GABRG3: variants seen among roughly 807,000 people sequenced by gnomAD.
GABRG3 encodes the protein gamma-aminobutyric acid receptor subunit gamma-3.
In GABRG3, 25 loss-of-function variants were observed where a neutral mutation model predicts 48.8. That is an observed-to-expected ratio of 0.51 (90% CI 0.37 to 0.72). The LOEUF (loss-of-function observed/expected upper bound fraction) is 0.72. GABRG3 is among the 30% of genes least tolerant of loss of function. The pLI is 0.00. For missense variants in GABRG3, 394 were observed against 577.9 expected (o/e 0.68, Z 3.26); for synonymous variants, 227 against 217.6 (o/e 1.04, Z -0.38).
chr15:27,409,976 T>C (rs1887747857), intron 5 of GABRG3, among the ~76,000 whole-genome samples: 1 of 152,216 alleles, frequency 6.6e-6, no homozygotes, highest in Admixed American at 6.5e-5. Context: ...GCTAGAGTGG[T>C]AAGAATGGAC....
intron 3 of GABRG3, among the ~76,000 whole-genome samples, chr15:27,124,697 G>A (rs552303661): frequency 2.4e-4 from 36 of 152,286 alleles, no homozygotes; most frequent in Non-Finnish European, 4.9e-4. Context: ...GTAGGGGGAA[G>A]GCCCAGTAGA....
At chr15:27,446,620 T>C (rs1160797488) in intron 5 of GABRG3, among the ~76,000 whole-genome samples, 3 of 152,234 alleles carry the variant, frequency 2.0e-5, no homozygotes, top group Non-Finnish European at 4.4e-5. Context: ...ATTAATCTTA[T>C]GTATTTTATT....
Position 27,388,297 on chromosome 15 carries a change from A to AGGG in GABRG3, c.574+59409_574+59410insGGG, listed in dbSNP as rs1566818400. ...AGGGTAAGGAAGGAAGGAAGAAAAG[A>AGGG]AGGAAGGAAAGGGAGGGAGGGAAAA... is the stretch of plus-strand genomic sequence containing the variant. On this transcript the variant is annotated intron_variant, in intron 5 of 9. Transcript: ENST00000615808. Among the ~76,000 whole-genome samples the AGGG allele has an allele frequency of 6.0e-4, 19 of 31,454 alleles. 1 individual carries two copies. Among genetic ancestry groups the AGGG allele is most frequent in the Admixed American group, 2.5e-3 (6 of 2,420 alleles). 20.6% of individuals were successfully genotyped at this position (31,454 alleles called of 152,430 possible).
intron 4 of GABRG3, among the ~76,000 whole-genome samples, chr15:27,327,413 T>A (rs140348843): frequency 6.6e-6 from 1 of 152,014 alleles, no homozygotes; most frequent in Admixed American, 6.5e-5. Flanking sequence ...TCCCAGCACA[T>A]CCCTAAGGGA....
At chr15:27,119,754 A>T (rs1401279697) in intron 3 of GABRG3, among the ~76,000 whole-genome samples, 1 of 152,228 alleles carries the variant, frequency 6.6e-6, no homozygotes, top group Non-Finnish European at 1.5e-5. Context: ...CTGGAGGCTT[A>T]TCACAGCTCC....
chr15:27,070,395 A>T (rs549114228), intron 3 of GABRG3, among the ~76,000 whole-genome samples: 3 of 152,236 alleles, frequency 2.0e-5, no homozygotes, highest in African/African-American at 7.2e-5. Context: ...CTGTGACCAC[A>T]TAGAACATTC....
chr15:27,350,017 CA>C, intron 5 of GABRG3: 1 of 441,720 alleles, frequency 2.3e-6, no homozygotes, highest in South Asian at 1.6e-5. Context: ...AAATAGTAGC[CA>C]AAAGATTACC....
chr15:27,366,963 C>T (rs1011836652), intron 5 of GABRG3, among the ~76,000 whole-genome samples: 2 of 152,134 alleles, frequency 1.3e-5, no homozygotes, highest in African/African-American at 4.8e-5. Context: ...ATGGGGGCAT[C>T]GGGACCCTCT....
chr15:27,368,379 G>A (rs62001340), intron 5 of GABRG3, among the ~76,000 whole-genome samples: 3,598 of 152,326 alleles, frequency 0.024, 58 homozygotes, highest in South Asian at 0.066. Context: ...TTGCAGGGTA[G>A]AAGGTCTAGA....
chr15:27,538,631 G>C lies in GABRG3; in HGVS notation c.*5750G>C, dbSNP rs936993324. On this transcript the variant is annotated 3_prime_UTR_variant, in exon 10 of 10. Transcript: ENST00000615808. ...GGAAGCCAGAGCCTCTATGTCTGCC[G>C]AACAGTTTAAATTGAACAGGTTGGA... The C allele has an allele frequency of 6.6e-6, 1 of 152,316 alleles. No individual in the cohort carries two copies. The highest frequency in any genetic ancestry group is 1.5e-5 in the Non-Finnish European group (1 of 68,030). The allele number at this position is 152,316 out of a possible 1,614,324, so 9.4% of individuals were successfully genotyped here. A position where few individuals can be genotyped will look rare whatever the true frequency, so the allele number is the denominator to read the frequency against.
At chr15:27,400,587 T>C (rs1887447056) in intron 5 of GABRG3, among the ~76,000 whole-genome samples, 1 of 152,206 alleles carries the variant, frequency 6.6e-6, no homozygotes, top group Admixed American at 6.5e-5. Context: ...GAACTAGTCA[T>C]GTAGGAGAGA....
intron 2 of GABRG3, among the ~76,000 whole-genome samples, chr15:27,000,835 G>A (rs529359952): frequency 2.6e-5 from 4 of 152,258 alleles, no homozygotes; most frequent in African/African-American, 4.8e-5. Flanking sequence ...TTCATAAATT[G>A]TCCAGTCTCA....
intron 3 of GABRG3, among the ~76,000 whole-genome samples, chr15:27,065,314 C>G (rs1002047178): frequency 3.3e-5 from 5 of 152,196 alleles, no homozygotes; most frequent in Non-Finnish European, 5.9e-5. Context: ...GCTGGGGATT[C>G]AGCAAAACCT....
chr15:27,253,753 G>T (rs1890531382), intron 3 of GABRG3, among the ~76,000 whole-genome samples: 1 of 152,232 alleles, frequency 6.6e-6, no homozygotes, highest in Non-Finnish European at 1.5e-5. Flanking sequence ...GGGGGCTCAG[G>T]CCTTCATCTG....
Position 27,418,835 on chromosome 15 carries a change from C to G in GABRG3, c.575-61815C>G, listed in dbSNP as rs531169913. 1.1e-4 allele frequency: 16 copies of G among 149,924 alleles called. No homozygotes were observed. In the East Asian group the frequency reaches 3.1e-3, roughly 29 times the overall value. The allele number at this position is 149,924 out of a possible 1,614,324, so 9.3% of individuals were successfully genotyped here. Reference sequence around the variant, plus strand: ...GATTTTATTGCACTATCAATTTATGCCTTTTTAAAAAAAATAAAACTATTT... The same window carrying G: ...GATTTTATTGCACTATCAATTTATGGCTTTTTAAAAAAAATAAAACTATTT... On this transcript the variant is annotated intron_variant, in intron 5 of 9. Transcript: ENST00000615808.
intron 3 of GABRG3, among the ~76,000 whole-genome samples, chr15:27,123,442 A>G (rs1897765428): frequency 6.6e-6 from 1 of 152,212 alleles, no homozygotes; most frequent in Admixed American, 6.5e-5. Context: ...TCCTTCCAGC[A>G]TGAGAGGACA....
intron 3 of GABRG3, among the ~76,000 whole-genome samples, chr15:27,292,645 T>C (rs1479299746): frequency 6.6e-6 from 1 of 152,188 alleles, no homozygotes; most frequent in East Asian, 1.9e-4. Context: ...ATGGGCATCT[T>C]TCTCTATTAG....
chr15:27,201,743 G>A (rs1049265809), intron 3 of GABRG3, among the ~76,000 whole-genome samples: 7 of 151,812 alleles, frequency 4.6e-5, no homozygotes, highest in Admixed American at 6.6e-5. Flanking sequence ...GTTTATAATC[G>A]GAACAATAAT....
chr15:27,527,808 T>G (rs1336707399), intron 8 of GABRG3, 125 bp from the exon 9 acceptor site: 1 of 969,790 alleles, frequency 1.0e-6, no homozygotes, highest in Non-Finnish European at 1.6e-6. Flanking sequence ...CTCTAAGACA[T>G]CTCTGGTGTC....
Sources: gnomAD v4.1 joint callset for allele counts (sites outside exome capture counted in the v4.1 genomes callset) on GRCh38, gnomAD v4.1.1 for gene constraint, MANE v1.5 for transcripts, NCBI Gene and HGNC (gene_info 2026-07-23, HGNC 2026-07-21) for gene names.